The following ENTREP2 variants were observed in gnomAD, a reference collection of about 807,000 sequenced individuals.
The protein encoded by ENTREP2 is protein ENTREP2.
chr15:29,187,037 A>T, the ENTREP2 span, among the ~76,000 whole-genome samples: 1 of 152,066 alleles, frequency 6.6e-6, no homozygotes, highest in Non-Finnish European at 1.5e-5. Flanking sequence ...GATTTTTTTC[A>T]TATATTCCCA....
chr15:29,657,476 G>GGGGGGTC, the ENTREP2 span, among the ~76,000 whole-genome samples: 6 of 93,234 alleles, frequency 6.4e-5, no homozygotes, highest in African/African-American at 2.1e-4. Flanking sequence ...GCTGTCGGCT[G>GGGGGGTC]GGGGGGCGGG....
chr15:29,615,816 G>A, the ENTREP2 span, among the ~76,000 whole-genome samples: 1 of 152,122 alleles, frequency 6.6e-6, no homozygotes, highest in Non-Finnish European at 1.5e-5. Flanking sequence ...AATTAAATGG[G>A]AATTGGAAAA....
At chr15:29,513,987 A>G in the ENTREP2 span, among the ~76,000 whole-genome samples, 1 of 152,368 alleles carries the variant, frequency 6.6e-6, no homozygotes, top group Admixed American at 6.5e-5. Flanking sequence ...TGGGCACAAA[A>G]GAATGATGAG....
At chr15:29,193,281 G>C in the ENTREP2 span, among the ~76,000 whole-genome samples, 3 of 152,130 alleles carry the variant, frequency 2.0e-5, no homozygotes, top group Non-Finnish European at 4.4e-5. Flanking sequence ...GAACTGAGTG[G>C]GGAAGATCCA....
chr15:29,391,176 C>G, the ENTREP2 span, among the ~76,000 whole-genome samples: 1 of 151,984 alleles, frequency 6.6e-6, no homozygotes, highest in Non-Finnish European at 1.5e-5. Context: ...CCATCTGTCT[C>G]TACCTTTGAG....
the ENTREP2 span, among the ~76,000 whole-genome samples, chr15:29,558,351 C>G: frequency 6.6e-6 from 1 of 152,000 alleles, no homozygotes. Context: ...CCTAGCCCAC[C>G]AGGTAGGATG....
At chr15:29,591,653 A>C in the ENTREP2 span, among the ~76,000 whole-genome samples, 1 of 152,070 alleles carries the variant, frequency 6.6e-6, no homozygotes, top group African/African-American at 2.4e-5. Flanking sequence ...CAGCACTTTG[A>C]GAGGGAGACC....
the ENTREP2 span, among the ~76,000 whole-genome samples, chr15:29,629,641 A>G: frequency 6.6e-6 from 1 of 152,136 alleles, no homozygotes; most frequent in Non-Finnish European, 1.5e-5. Flanking sequence ...TGAGTACCAT[A>G]CCAGATGGCA....
chr15:29,239,507 G>A, the ENTREP2 span, among the ~76,000 whole-genome samples: 2 of 152,112 alleles, frequency 1.3e-5, no homozygotes, highest in East Asian at 1.9e-4. Context: ...ATTTGGGGGG[G>A]ACATAGGTAA....
the ENTREP2 span, among the ~76,000 whole-genome samples, chr15:29,597,622 T>C: frequency 6.6e-6 from 1 of 152,022 alleles, no homozygotes. Flanking sequence ...AGCTCAGTTC[T>C]AGTTGCTGAA....
chr15:29,562,980 C>T, the ENTREP2 span, among the ~76,000 whole-genome samples: 5 of 151,976 alleles, frequency 3.3e-5, no homozygotes, highest in African/African-American at 4.8e-5. Context: ...TCAGTAGAAA[C>T]AGGGTTTTGC....
the ENTREP2 span, among the ~76,000 whole-genome samples, chr15:29,146,318 TATGAA>T: frequency 9.7e-3 from 1,472 of 152,260 alleles, 16 homozygotes; most frequent in Middle Eastern, 0.051. Context: ...CTAAAGTTCA[TATGAA>T]ATCAAAGGGC....
the ENTREP2 span, among the ~76,000 whole-genome samples, chr15:29,197,009 C>T: frequency 2.0e-5 from 3 of 152,150 alleles, no homozygotes; most frequent in African/African-American, 7.2e-5. Flanking sequence ...CCAGCGCCAC[C>T]CTCGAGGCCT....
chr15:29,465,378 G>C, the ENTREP2 span, among the ~76,000 whole-genome samples: 1 of 152,180 alleles, frequency 6.6e-6, no homozygotes, highest in Admixed American at 6.5e-5. Context: ...TTTGGCTCTA[G>C]TTAAAGCTGC....
At chr15:29,490,845 G>C in the ENTREP2 span, among the ~76,000 whole-genome samples, 1 of 152,248 alleles carries the variant, frequency 6.6e-6, no homozygotes, top group Admixed American at 6.5e-5. Flanking sequence ...AAGGGGAGCT[G>C]CCTGCCAGTC....
chr15:29,581,728 A>G, the ENTREP2 span, among the ~76,000 whole-genome samples: 1 of 152,046 alleles, frequency 6.6e-6, no homozygotes, highest in Non-Finnish European at 1.5e-5. Context: ...TTTAAAAGAC[A>G]TATGTACATT....
chr15:29,449,486 G>A, the ENTREP2 span, among the ~76,000 whole-genome samples: 1 of 152,188 alleles, frequency 6.6e-6, no homozygotes, highest in East Asian at 1.9e-4. Context: ...ACCCTTCTCT[G>A]CTTTCGGAAT....
the ENTREP2 span, among the ~76,000 whole-genome samples, chr15:29,544,465 C>A: frequency 6.6e-6 from 1 of 152,112 alleles, no homozygotes; most frequent in African/African-American, 2.4e-5. Context: ...CTGAACTGTA[C>A]ACTTTAAAAT....
At chr15:29,497,637 C>G in the ENTREP2 span, among the ~76,000 whole-genome samples, 1 of 151,912 alleles carries the variant, frequency 6.6e-6, no homozygotes. Context: ...ATTGTAATGT[C>G]TTCCCTTTCA....
Sources: gnomAD v4.1 joint callset for allele counts (sites outside exome capture counted in the v4.1 genomes callset) on GRCh38, gnomAD v4.1.1 for gene constraint, MANE v1.5 for transcripts, NCBI Gene and HGNC (gene_info 2026-07-23, HGNC 2026-07-21) for gene names.